DPF3: variants seen among roughly 807,000 people sequenced by gnomAD.
The protein encoded by DPF3 is zinc finger protein DPF3.
Under a neutral mutation model 56.8 loss-of-function variants are expected in DPF3, and 18 were observed. The observed-to-expected ratio is 0.32, with a 90% CI of 0.22 to 0.47. The LOEUF is 0.47. Among genes scored for constraint, DPF3 ranks in the 20% least tolerant of loss-of-function variants. The pLI is 1.00. For missense variants in DPF3, 403 were observed against 488.8 expected (o/e 0.82, Z 1.65); for synonymous variants, 188 against 180.2 (o/e 1.04, Z -0.35).
At chr14:72,802,741 G>A (rs1165597035) in intron 1 of DPF3, among the ~76,000 whole-genome samples, 1 of 152,164 alleles carries the variant, frequency 6.6e-6, no homozygotes, top group African/African-American at 2.4e-5. Context: ...AAAGTGGATG[G>A]GAAGCAAGGC....
chr14:72,874,718 G>T (rs957766579), intron 1 of DPF3, among the ~76,000 whole-genome samples: 3 of 152,148 alleles, frequency 2.0e-5, no homozygotes, highest in Non-Finnish European at 4.4e-5. Flanking sequence ...TAGCATTTGG[G>T]CAAAGCCATT....
At chr14:72,820,803 T>C (rs1883496845) in intron 1 of DPF3, among the ~76,000 whole-genome samples, 1 of 152,086 alleles carries the variant, frequency 6.6e-6, no homozygotes, top group Non-Finnish European at 1.5e-5. Context: ...GAGACCAGCC[T>C]GGGCAACATG....
intron 1 of DPF3, among the ~76,000 whole-genome samples, chr14:72,791,510 T>G (rs1045002461): frequency 2.0e-4 from 30 of 152,330 alleles, no homozygotes; most frequent in African/African-American, 7.2e-4. Context: ...CTCCCAAGAC[T>G]AGGAGAAAGC....
chr14:72,810,790 C>T (rs1334872683), intron 1 of DPF3, among the ~76,000 whole-genome samples: 1 of 152,150 alleles, frequency 6.6e-6, no homozygotes, highest in African/African-American at 2.4e-5. Flanking sequence ...TCAGAAGACC[C>T]CAGACTGTCA....
chr14:72,622,935 G>A (rs997291944), intron 9 of DPF3, among the ~76,000 whole-genome samples: 15 of 152,126 alleles, frequency 9.9e-5, no homozygotes, highest in African/African-American at 1.9e-4. Context: ...AAAGACCAGC[G>A]TCAACCTAAA....
intron 3 of DPF3, among the ~76,000 whole-genome samples, chr14:72,752,470 C>T (rs1415972161): frequency 6.6e-6 from 1 of 152,186 alleles, no homozygotes; most frequent in African/African-American, 2.4e-5. Flanking sequence ...CAAGACCGGC[C>T]TGGCCAACAT....
chr14:72,880,060 C>A, intron 1 of DPF3: 1 of 1,144,236 alleles, frequency 8.7e-7, no homozygotes, highest in Non-Finnish European at 1.2e-6. Context: ...GCATATGGCT[C>A]AGTAACAGAC....
intron 6 of DPF3, among the ~76,000 whole-genome samples, chr14:72,706,585 C>T (rs777764017): frequency 9.2e-5 from 14 of 152,074 alleles, no homozygotes; most frequent in African/African-American, 1.5e-4. Context: ...ATGACTTTCT[C>T]GATGTCACAG....
intron 1 of DPF3, chr14:72,853,219 T>A (rs1885053832): frequency 6.6e-6 from 1 of 151,902 alleles, no homozygotes; most frequent in African/African-American, 2.4e-5. Flanking sequence ...TTGTTGTTTT[T>A]TTTTTTAAGA....
chr14:72,828,323 T>A (rs1428924562), intron 1 of DPF3, among the ~76,000 whole-genome samples: 4 of 152,058 alleles, frequency 2.6e-5, no homozygotes, highest in Non-Finnish European at 5.9e-5. Context: ...GAGGACGTGG[T>A]CCCTGTCTCC....
intron 5 of DPF3, among the ~76,000 whole-genome samples, chr14:72,720,002 T>G (rs563191200): frequency 6.6e-6 from 1 of 152,074 alleles, no homozygotes; most frequent in East Asian, 1.9e-4. Context: ...CTTGTCAAAG[T>G]GCAGACTCTA....
At chr14:72,620,692 T>C (rs1051039204) in intron 9 of DPF3, among the ~76,000 whole-genome samples, 1 of 152,234 alleles carries the variant, frequency 6.6e-6, no homozygotes, top group African/African-American at 2.4e-5. Context: ...GTACGTCTTC[T>C]TCAAGCACTT....
At chr14:72,832,122 C>T (rs899675761) in intron 1 of DPF3, among the ~76,000 whole-genome samples, 1 of 152,082 alleles carries the variant, frequency 6.6e-6, no homozygotes, top group African/African-American at 2.4e-5. Flanking sequence ...TAGGCTGAAG[C>T]AGGAGGATCG....
chr14:72,730,309 A>G (rs183641364), intron 4 of DPF3, among the ~76,000 whole-genome samples: 22 of 152,320 alleles, frequency 1.4e-4, no homozygotes, highest in Admixed American at 1.2e-3. Flanking sequence ...TATGACCCCA[A>G]GGTCCCTTAG....
intron 8 of DPF3, among the ~76,000 whole-genome samples, chr14:72,669,556 A>G (rs1472067431): frequency 6.6e-6 from 1 of 152,022 alleles, no homozygotes; most frequent in Non-Finnish European, 1.5e-5. Context: ...CAACCTCCCT[A>G]TTCCTACCCA....
chr14:72,618,437 G>A lies in DPF3; in HGVS notation c.*860C>T, dbSNP rs1884220561. ...AAGCTGAACCAGGTCTCCAGAACCA[G>A]GTGGGCTGAGAGGCAGAGGCTTGAC... On this transcript the variant is annotated 3_prime_UTR_variant, in exon 11 of 11. Transcript: ENST00000556509. Among the ~76,000 whole-genome samples, 1 of 152,180 alleles carries A rather than the reference G, an allele frequency of 6.6e-6. No individual in the cohort carries two copies.
intron 1 of DPF3, among the ~76,000 whole-genome samples, chr14:72,880,656 G>T (rs993217956): frequency 6.6e-6 from 1 of 152,024 alleles, no homozygotes; most frequent in Non-Finnish European, 1.5e-5. Context: ...TCTTGGGCTC[G>T]GGTGATCCTC....
chr14:72,720,710 C>A (rs1218183667), intron 5 of DPF3, among the ~76,000 whole-genome samples: 1 of 152,198 alleles, frequency 6.6e-6, no homozygotes, highest in Non-Finnish European at 1.5e-5. Flanking sequence ...GGAGAAAGCA[C>A]AGACCTGTGT....
At chr14:72,729,416 G>C (rs894585122) in intron 4 of DPF3, among the ~76,000 whole-genome samples, 2 of 152,150 alleles carry the variant, frequency 1.3e-5, no homozygotes, top group African/African-American at 2.4e-5. Flanking sequence ...GCCTGGAGTG[G>C]AGTGGGTGAG....
Sources: gnomAD v4.1 joint callset for allele counts (sites outside exome capture counted in the v4.1 genomes callset) on GRCh38, gnomAD v4.1.1 for gene constraint, MANE v1.5 for transcripts, NCBI Gene and HGNC (gene_info 2026-07-23, HGNC 2026-07-21) for gene names.